Variants in UBE3B observed in about 807,000 individuals in gnomAD.
UBE3B encodes the protein ubiquitin protein ligase E3B, also known as ubiquitin-protein ligase E3B.
UBE3B carries 80 observed loss-of-function variants against 132.3 expected under a neutral mutation model. The observed-to-expected ratio is 0.60, with a 90% CI of 0.50 to 0.73. The LOEUF is 0.73. Ranked by LOEUF, UBE3B falls within the 30% of genes least tolerant of loss-of-function variation. The pLI is 0.00. For missense variants in UBE3B, 1,196 were observed against 1,362.5 expected (o/e 0.88, Z 1.92); for synonymous variants, 487 against 520.4 (o/e 0.94, Z 0.87).
chr12:109,539,209 T>C (rs1883554690), downstream of UBE3B, among the ~76,000 whole-genome samples: 1 of 152,154 alleles, frequency 6.6e-6, no homozygotes, highest in African/African-American at 2.4e-5. Context: ...GCACTCCAGC[T>C]TGGGTGACAG....
intron 1 of UBE3B, among the ~76,000 whole-genome samples, chr12:109,480,564 T>C (rs1875199864): frequency 6.6e-6 from 1 of 151,698 alleles, no homozygotes; most frequent in African/African-American, 2.4e-5. Flanking sequence ...GGTGGGAGAA[T>C]CGCTTGAGCC....
Position 109,510,412 on chromosome 12 carries a change from C to A in UBE3B, c.1810C>A (p.Arg604=). 6.2e-7 allele frequency: 1 copy of A among 1,613,012 alleles called. No homozygotes were observed. Among genetic ancestry groups the A allele is most frequent in the Non-Finnish European group, 8.5e-7 (1 of 1,179,626 alleles). The change falls in exon 17 of 28, where the codon CGG becomes AGG. Residue 604 remains arginine (R), a synonymous_variant. Coordinates refer to ENST00000342494, the MANE Select transcript of UBE3B (RefSeq NM_130466.4). Reference sequence around the variant, plus strand: ...CGGGTGGCTTATGGTGCTGTACGAGCGGGACTGCCGGCGGCGCTTCACCCC... The same window carrying A: ...CGGGTGGCTTATGGTGCTGTACGAGAGGGACTGCCGGCGGCGCTTCACCCC... ...VHGWLMVLYE[R]DCRRRFTPED... is the part of the protein sequence containing the mutation.
Position 109,533,471 on chromosome 12 carries a change from G to T in UBE3B, c.2928G>T (p.Val976=), listed in dbSNP as rs1180932375. ...GACCCTGCTTTGTGTTGCAGTTCGT[G>T]ACCAGCTGCTCCAGACCCCCGCTCC... ...PDERAMFLKF[V]TSCSRPPLLG... The change falls in exon 27 of 28, where the codon GTG becomes GTT. Residue 976 remains valine (V), a synonymous_variant. Coordinates refer to ENST00000342494, the MANE Select transcript of UBE3B (RefSeq NM_130466.4). 4.0e-5 allele frequency: 64 copies of T among 1,613,964 alleles called. No individual in the cohort carries two copies. The highest frequency in any genetic ancestry group is 5.4e-5 in the Non-Finnish European group (64 of 1,180,004).
At chr12:109,507,887 G>A (rs1457879450) in intron 15 of UBE3B, 152 bp downstream of exon 15, 6 of 920,608 alleles carry the variant, frequency 6.5e-6, no homozygotes, top group South Asian at 5.2e-5. Flanking sequence ...TACCAAGTGA[G>A]CAGTGTGCAG....
intron 15 of UBE3B, chr12:109,509,349 C>T (rs1347886314): frequency 3.4e-6 from 1 of 293,774 alleles, no homozygotes; most frequent in African/African-American, 2.2e-5. Context: ...TGGTTTGCTG[C>T]ACCTGTCACC....
intron 14 of UBE3B, among the ~76,000 whole-genome samples, chr12:109,503,867 T>C (rs1879320878): frequency 6.6e-6 from 1 of 152,226 alleles, no homozygotes; most frequent in South Asian, 2.1e-4. Flanking sequence ...ATTAAGAGCT[T>C]CTCTGCTGCA....
intron 1 of UBE3B, among the ~76,000 whole-genome samples, chr12:109,478,996 C>G (rs1023384023): frequency 2.0e-5 from 3 of 152,180 alleles, no homozygotes; most frequent in Non-Finnish European, 4.4e-5. Flanking sequence ...AGAGGTAAGA[C>G]AAGAGTCTGA....
At chr12:109,510,265 T>G (rs140240416) in intron 16 of UBE3B, 79 bp from the exon 17 acceptor site, 31 of 1,154,200 alleles carry the variant, frequency 2.7e-5, no homozygotes, top group Non-Finnish European at 3.6e-5. Flanking sequence ...TGATGACAAC[T>G]GCGGAAGACA....
chr12:109,490,644 A>G (rs1877320034), intron 8 of UBE3B: 3 of 1,513,712 alleles, frequency 2.0e-6, no homozygotes, highest in African/African-American at 2.8e-5. Context: ...AAATAATATG[A>G]TGTCTTTAAA....
In UBE3B at chr12:109,524,606, C is replaced by T; in HGVS notation, c.2568+103C>T. Reference sequence around the variant, plus strand: ...TCAGAAAGAGCCCCAAGCTGAGGCTCTGTCTGGTCCCTTGTCCTCCCCACC... The same window carrying T: ...TCAGAAAGAGCCCCAAGCTGAGGCTTTGTCTGGTCCCTTGTCCTCCCCACC... On this transcript the variant is annotated intron_variant, in intron 23 of 27. Coordinates refer to ENST00000342494, the MANE Select transcript of UBE3B (RefSeq NM_130466.4). The T allele has an allele frequency of 2.3e-6, 3 of 1,315,402 alleles. No individual in the cohort carries two copies. In the South Asian group the frequency reaches 3.8e-5, roughly 17 times the overall value. 81.5% of individuals were successfully genotyped at this position (1,315,402 alleles called of 1,614,324 possible).
At position 109,535,468 on chromosome 12, in the gene UBE3B, T is replaced by C. The variant is rs2058807; in HGVS notation, c.*686T>C. On this transcript the variant is annotated 3_prime_UTR_variant, in exon 28 of 28. Transcript: ENST00000342494. ...CTCAGCGGGCTGAGCTGCCAGAGAG[T>C]CTTCCCGGACCTATTCCCGTCCTAT... The C allele has an allele frequency of 0.57, 86,830 of 152,116 alleles. 25,877 individuals carry two copies. The highest frequency in any genetic ancestry group is 0.74 in the African/African-American group (30,552 of 41,526). 9.4% of individuals were successfully genotyped at this position (152,116 alleles called of 1,614,324 possible).
intron 6 of UBE3B, among the ~76,000 whole-genome samples, chr12:109,488,284 A>G (rs748446094): frequency 5.3e-5 from 8 of 152,174 alleles, no homozygotes; most frequent in South Asian, 2.1e-4. Context: ...AGGCACATGT[A>G]CATACAGCAA....
chr12:109,527,151 A>G lies in UBE3B; in HGVS notation c.2627+735A>G, dbSNP rs115623923. Among the ~76,000 whole-genome samples the G allele has an allele frequency of 5.4e-3, 815 of 152,336 alleles. 4 individuals carry two copies. Among genetic ancestry groups the G allele is most frequent in the African/African-American group, 0.018 (754 of 41,574 alleles). ...TGAGAAGACACCGTGATGAATTCAA[A>G]TGCCACAGACGGAGGTCCTTAGACA... is the stretch of plus-strand genomic sequence containing the variant. On this transcript the variant is annotated intron_variant, in intron 24 of 27. Coordinates refer to ENST00000342494, the MANE Select transcript of UBE3B (RefSeq NM_130466.4).
chr12:109,490,522 A>G, intron 8 of UBE3B: 2 of 1,536,052 alleles, frequency 1.3e-6, no homozygotes, highest in Non-Finnish European at 1.7e-6. Context: ...ATTTGGTTTC[A>G]TATGCTCCTC....
intron 14 of UBE3B, among the ~76,000 whole-genome samples, chr12:109,505,445 C>T (rs956791673): frequency 3.9e-5 from 6 of 152,196 alleles, no homozygotes; most frequent in African/African-American, 9.7e-5. Context: ...ACACAGAACT[C>T]GAGGACACTT....
chr12:109,534,270 C>T lies in UBE3B; in HGVS notation c.3016-321C>T. 1.5e-6 allele frequency: 2 copies of T among 1,324,158 alleles called. No individual in the cohort carries two copies. Among genetic ancestry groups the T allele is most frequent in the South Asian group, 3.1e-5 (2 of 63,688 alleles). The allele number at this position is 1,324,158 out of a possible 1,614,324, so 82.0% of individuals were successfully genotyped here. ...GAGTGCATTCAGAAATGTTTGGGCA[C>T]CTAACAGTTTTTACAGCATTCTACT... is the stretch of plus-strand genomic sequence containing the variant. On this transcript the variant is annotated intron_variant, in intron 27 of 27. Coordinates refer to ENST00000342494, the MANE Select transcript of UBE3B (RefSeq NM_130466.4). This position sits in a 1 kb window ranked among gnomAD's most constrained non-coding sequence, Gnocchi z 5.2.
intron 18 of UBE3B, among the ~76,000 whole-genome samples, chr12:109,516,505 C>T (rs1374351851): frequency 6.6e-6 from 1 of 152,118 alleles, no homozygotes; most frequent in Admixed American, 6.5e-5. Context: ...TGGGCCATTC[C>T]TAGCTGGACC....
intron 6 of UBE3B, among the ~76,000 whole-genome samples, chr12:109,487,365 A>G (rs962092287): frequency 2.0e-5 from 3 of 152,188 alleles, no homozygotes; most frequent in Non-Finnish European, 4.4e-5. Flanking sequence ...GGTCTCAGGG[A>G]CAGAGGCTTG....
chr12:109,502,333 C>T (rs1317281053), intron 13 of UBE3B, among the ~76,000 whole-genome samples: 1 of 152,240 alleles, frequency 6.6e-6, no homozygotes, highest in African/African-American at 2.4e-5. Flanking sequence ...GCTAGCGCTT[C>T]AGTGGCTTTC....
Sources: gnomAD v4.1 joint callset for allele counts (sites outside exome capture counted in the v4.1 genomes callset) on GRCh38, gnomAD v4.1.1 for gene constraint, Gnocchi (gnomAD v3.1) non-coding constraint, MANE v1.5 for transcripts, NCBI Gene and HGNC (gene_info 2026-07-23, HGNC 2026-07-21) for gene names.